The following PIAS2 variants were observed in gnomAD, a reference collection of about 807,000 sequenced individuals.
PIAS2 encodes the protein E3 SUMO-protein ligase PIAS2.
PIAS2 carries 19 observed loss-of-function variants against 69.7 expected under a neutral mutation model. That is an observed-to-expected ratio of 0.27 (90% CI 0.19 to 0.40). PIAS2 has a LOEUF of 0.40. Ranked by LOEUF, PIAS2 falls within the 10% of genes least tolerant of loss-of-function variation. PIAS2 has a pLI of 1.00. For missense variants in PIAS2, 624 were observed against 757.0 expected (o/e 0.82, Z 2.06); for synonymous variants, 261 against 263.2 (o/e 0.99, Z 0.08).
At chr18:46,900,377 G>C (rs1179329931) in intron 1 of PIAS2, among the ~76,000 whole-genome samples, 1 of 149,520 alleles carries the variant, frequency 6.7e-6, no homozygotes, top group East Asian at 2.0e-4. Flanking sequence ...AAAAAAAAAA[G>C]ATAATATAGG....
intron 5 of PIAS2, 119 bp downstream of exon 5, chr18:46,855,226 T>A: frequency 1.6e-6 from 1 of 624,670 alleles, no homozygotes; most frequent in East Asian, 2.6e-5. Context: ...AAAATAGTAT[T>A]TAATCTGGAT....
intron 2 of PIAS2, among the ~76,000 whole-genome samples, 161 bp downstream of exon 2, chr18:46,890,419 A>C (rs1023337299): frequency 6.6e-6 from 1 of 152,256 alleles, no homozygotes; most frequent in Non-Finnish European, 1.5e-5. Context: ...AGCTTCTATT[A>C]GATTTCAGTC....
At chr18:46,915,015 C>T (rs1165132697) in intron 1 of PIAS2, 2 of 151,912 alleles carry the variant, frequency 1.3e-5, no homozygotes, top group Non-Finnish European at 1.5e-5. Flanking sequence ...AAGGATGTTA[C>T]CAATCATTTA....
At chr18:46,892,130 C>T (rs1264578678) in intron 1 of PIAS2, among the ~76,000 whole-genome samples, 8 of 152,092 alleles carry the variant, frequency 5.3e-5, no homozygotes, top group Admixed American at 5.2e-4. Flanking sequence ...CCTTTTCAAC[C>T]TGCTTGTCTC....
chr18:46,844,931 A>T, intron 6 of PIAS2, 92 bp from the exon 7 acceptor site: 1 of 497,670 alleles, frequency 2.0e-6, no homozygotes, highest in Non-Finnish European at 3.4e-6. Context: ...TCTGGTTTCT[A>T]AAAATAACAT....
intron 1 of PIAS2, among the ~76,000 whole-genome samples, chr18:46,897,877 G>GT (rs544949333): frequency 0.022 from 3,199 of 145,274 alleles, 150 homozygotes; most frequent in Admixed American, 0.13. Context: ...TAATTTTTGG[G>GT]TTTTTTTTTT....
Position 46,803,986 on chromosome 18 carries a change from C to G in PIAS2, c.*8447G>C, listed in dbSNP as rs746775689. ...ACCTCAGCATCCATCTCCCGTACCA[C>G]CTACCCTAAACATGCACCTCCTTCT... On this transcript the variant is annotated 3_prime_UTR_variant, in exon 14 of 14. Transcript: ENST00000585916. 3.3e-5 allele frequency: 5 copies of G among 152,228 alleles called. No individual in the cohort carries two copies. Among genetic ancestry groups the G allele is most frequent in the Non-Finnish European group, 5.9e-5 (4 of 68,070 alleles). 9.4% of individuals were successfully genotyped at this position (152,228 alleles called of 1,614,324 possible).
intron 2 of PIAS2, among the ~76,000 whole-genome samples, chr18:46,870,089 C>T (rs1366281645): frequency 1.3e-5 from 2 of 152,114 alleles, no homozygotes; most frequent in East Asian, 3.9e-4. Flanking sequence ...GAGTCAATGC[C>T]TGCCCCAATG....
chr18:46,917,281 C>A, intron 1 of PIAS2, 41 bp downstream of exon 1: 1 of 1,454,006 alleles, frequency 6.9e-7, no homozygotes, highest in Non-Finnish European at 9.1e-7. Context: ...CCTCCTCTCC[C>A]ATCCCCTCCC....
rs934721338 is a variant in PIAS2, at chr18:46,817,227, C to G, written c.1649-1878G>C. 5.1e-6 allele frequency: 5 copies of G among 980,800 alleles called. No homozygotes were observed. The African/African-American group carries it at 7.0e-5, about 14-fold the overall frequency. The allele number at this position is 980,800 out of a possible 1,614,324, so 60.8% of individuals were successfully genotyped here. A position where few individuals can be genotyped will look rare whatever the true frequency, so the allele number is the denominator to read the frequency against. ...TGTATCTCTCAGTTCATGTTAGTAA[C>G]TGAAACCTTTTTATAACGCTAAGTA... On this transcript the variant is annotated intron_variant, in intron 12 of 13. Coordinates refer to ENST00000585916, the MANE Select transcript of PIAS2 (RefSeq NM_004671.5).
chr18:46,899,673 T>G (rs918132175), intron 1 of PIAS2, among the ~76,000 whole-genome samples: 2 of 152,186 alleles, frequency 1.3e-5, no homozygotes, highest in African/African-American at 4.8e-5. Flanking sequence ...CATTATGTTT[T>G]GCAGGCTGGT....
chr18:46,845,791 T>C (rs1255897875), intron 6 of PIAS2, among the ~76,000 whole-genome samples: 1 of 152,166 alleles, frequency 6.6e-6, no homozygotes, highest in African/African-American at 2.4e-5. Flanking sequence ...AAATTCTAGG[T>C]CAATTAATCA....
chr18:46,821,565 G>A (rs529305049), intron 11 of PIAS2, among the ~76,000 whole-genome samples: 2 of 152,132 alleles, frequency 1.3e-5, no homozygotes, highest in African/African-American at 4.8e-5. Context: ...AATCTTTCCT[G>A]GGAATCATCT....
chr18:46,846,460 C>T, intron 6 of PIAS2: 2 of 299,502 alleles, frequency 6.7e-6, no homozygotes, highest in Non-Finnish European at 6.1e-6. Context: ...TAAACCATTA[C>T]CTTAAGAAAT....
chr18:46,843,849 A>T, intron 8 of PIAS2: 1 of 388,838 alleles, frequency 2.6e-6, no homozygotes, highest in Non-Finnish European at 4.7e-6. Context: ...TTCTGAGCCT[A>T]AAGCTATCTT....
intron 12 of PIAS2, chr18:46,817,088 C>T (rs1336141724): frequency 1.1e-6 from 1 of 945,014 alleles, no homozygotes; most frequent in African/African-American, 1.8e-5. Context: ...TAACCGTTTT[C>T]TTTTTACAGT....
At chr18:46,899,649 T>C (rs765676882) in intron 1 of PIAS2, among the ~76,000 whole-genome samples, 1 of 152,190 alleles carries the variant, frequency 6.6e-6, no homozygotes, top group African/African-American at 2.4e-5. Context: ...TTAATTTTAG[T>C]AAAGATGAGA....
rs1450979235 is a variant in PIAS2, at chr18:46,806,252, A to AAC, written c.*6179_*6180dup. On this transcript the variant is annotated 3_prime_UTR_variant, in exon 14 of 14. Coordinates refer to ENST00000585916, the MANE Select transcript of PIAS2 (RefSeq NM_004671.5). Reference sequence around the variant, plus strand: ...ACTGTGACCTTGGGAAACTTACCTAAACCTGTTTCATTTGTAAAATGGGGA... The same window carrying AAC: ...ACTGTGACCTTGGGAAACTTACCTAAACACCTGTTTCATTTGTAAAATGGGGA... The AAC allele has an allele frequency of 2.0e-5, 3 of 151,654 alleles. No homozygotes were observed. The highest frequency in any genetic ancestry group is 7.2e-5 in the African/African-American group (3 of 41,422). The allele number at this position is 151,654 out of a possible 1,614,324, so 9.4% of individuals were successfully genotyped here.
At chr18:46,817,266 T>A in intron 12 of PIAS2, 1 of 984,618 alleles carries the variant, frequency 1.0e-6, no homozygotes, top group Non-Finnish European at 1.2e-6. Context: ...ACAATGGTGT[T>A]GGAATATTGT....
Sources: gnomAD v4.1 joint callset for allele counts (sites outside exome capture counted in the v4.1 genomes callset) on GRCh38, gnomAD v4.1.1 for gene constraint, MANE v1.5 for transcripts, NCBI Gene and HGNC (gene_info 2026-07-23, HGNC 2026-07-21) for gene names.